Variants in DPF1 observed in about 807,000 individuals in gnomAD.
The protein encoded by DPF1 is double PHD fingers 1.
DPF1 carries 14 observed loss-of-function variants against 58.7 expected under a neutral mutation model. That is an observed-to-expected ratio of 0.24 (90% CI 0.16 to 0.37). The LOEUF (loss-of-function observed/expected upper bound fraction) is 0.37. Among genes scored for constraint, DPF1 ranks in the 10% least tolerant of loss-of-function variants. The probability of loss-of-function intolerance (pLI) is 1.00; values close to 1 mark genes in which losing one functional copy is unlikely to be tolerated. For synonymous variants in DPF1, 216 were observed against 216.0 expected (o/e 1.00, Z 0.00); for missense variants, 345 against 529.9 (o/e 0.65, Z 3.43).
chr19:38,217,956 C>G, intron 5 of DPF1, 80 bp from the exon 6 acceptor site: 1 of 1,473,910 alleles, frequency 6.8e-7, no homozygotes, highest in Non-Finnish European at 9.4e-7. Context: ...GTAATCCCAG[C>G]ACTTTGGGAG....
At chr19:38,223,104 A>C in intron 1 of DPF1, 1 of 198,976 alleles carries the variant, frequency 5.0e-6, no homozygotes, top group Non-Finnish European at 1.0e-5. Context: ...GCACACATAA[A>C]TATCTACTGA....
chr19:38,229,458 G>T lies in DPF1; in HGVS notation c.-132+101C>A, dbSNP rs568559347. 1.1e-5 allele frequency: 7 copies of T among 659,460 alleles called. 1 individual carries two copies. In the South Asian group the frequency reaches 2.7e-4, roughly 26 times the overall value. 40.9% of individuals were successfully genotyped at this position (659,460 alleles called of 1,614,324 possible). On this transcript the variant is annotated intron_variant, in intron 1 of 11. Transcript: ENST00000412732. The surrounding 1 kb of genome is among the most constrained non-coding windows in gnomAD (Gnocchi z 5.3). ...GCGCTGGGGGCCCCCATTCAACTAC[G>T]GTCCGCGCGCTGCGTCCCCCTCCTC...
chr19:38,220,832 C>T (rs1302805617), intron 3 of DPF1, among the ~76,000 whole-genome samples: 2 of 152,032 alleles, frequency 1.3e-5, no homozygotes, highest in African/African-American at 2.4e-5. Context: ...GGCACTGCCA[C>T]GCTCCTGGGT....
chr19:38,228,678 C>G (rs1294614576), upstream of DPF1: 1 of 152,238 alleles, frequency 6.6e-6, no homozygotes, highest in African/African-American at 2.4e-5. Context: ...TCCGGGATCC[C>G]GAAGAGGAAG....
At chr19:38,212,408 C>T in intron 10 of DPF1, 47 bp from the exon 11 acceptor site, 1 of 627,042 alleles carries the variant, frequency 1.6e-6, no homozygotes, top group Non-Finnish European at 2.5e-6. Flanking sequence ...GCACGGGCAC[C>T]AGAAACGGGG....
chr19:38,228,536 G>A (rs1967922972), upstream of DPF1: 1 of 150,926 alleles, frequency 6.6e-6, no homozygotes, highest in African/African-American at 2.4e-5. Context: ...TCCTCCACCA[G>A]GCCCGGGAGG....
chr19:38,228,212 G>A (rs181208914), upstream of DPF1, among the ~76,000 whole-genome samples: 756 of 151,760 alleles, frequency 5.0e-3, 8 homozygotes, highest in African/African-American at 0.017. Context: ...TGCTCACGGC[G>A]AAGCCACACG....
intron 7 of DPF1, 185 bp downstream of exon 7, chr19:38,217,267 CAGGAGCGA>C (rs1181516394): frequency 1.9e-5 from 13 of 694,770 alleles, no homozygotes; most frequent in Non-Finnish European, 2.6e-5. Flanking sequence ...TACGCCCGGC[CAGGAGCGA>C]AGGAGCGATG....
chr19:38,227,469 T>TC (rs1466310425), upstream of DPF1, among the ~76,000 whole-genome samples: 1 of 151,772 alleles, frequency 6.6e-6, no homozygotes, highest in African/African-American at 2.4e-5. Flanking sequence ...CACACACCAC[T>TC]CCCACATACT....
rs1359829968 is a variant in DPF1 at position 38,217,836 on chromosome 19, G to C, written c.557C>G (p.Ala186Gly). The C allele has an allele frequency of 6.2e-7, 1 of 1,614,048 alleles. No individual in the cohort carries two copies. The highest frequency in any genetic ancestry group is 8.5e-7 in the Non-Finnish European group (1 of 1,180,028). ...IGGLRKRQDT[A>G]SLEDRDKPYV... ...CGGCTTGTCTCGGTCCTCCAGGGAA[G>C]CGGTGTCCTGGCGTTTCCGGAGACC... Residue 186 changes from alanine (A) to glycine (G), a missense_variant, in exon 6 of 12, where the codon GCT becomes GGT. By Grantham distance (60) the Ala-to-Gly change is moderately conservative. Transcript: ENST00000355526.
Position 38,222,780 on chromosome 19 carries a change from C to CCGG in DPF1, c.30-75_30-73dup. The CCGG allele has an allele frequency of 7.0e-7, 1 of 1,434,078 alleles. No homozygotes were observed. The highest frequency in any genetic ancestry group is 9.1e-7 in the Non-Finnish European group (1 of 1,093,694). 88.8% of individuals were successfully genotyped at this position (1,434,078 alleles called of 1,614,324 possible). A position where few individuals can be genotyped will look rare whatever the true frequency, so the allele number is the denominator to read the frequency against. ...CACAGGGTCGCCCAGCACCCCTTCC[C>CCGG]CGGCTGCCGGGCCGCCCAGGCTCGG... On this transcript the variant is annotated intron_variant, in intron 1 of 11. Coordinates refer to ENST00000355526, the MANE Select transcript of DPF1 (RefSeq NM_001135155.3). The surrounding 1 kb of genome is among the most constrained non-coding windows in gnomAD (Gnocchi z 4.9).
chr19:38,216,980 G>A (rs1343326724), intron 7 of DPF1, among the ~76,000 whole-genome samples: 2 of 152,148 alleles, frequency 1.3e-5, no homozygotes, highest in Non-Finnish European at 2.9e-5. Context: ...AGTGGCCAGG[G>A]GTGAAGACAC....
chr19:38,213,686 G>T lies in DPF1; in HGVS notation c.969C>A (p.Ile323=), dbSNP rs147824649. Residue 323 remains isoleucine (I), a synonymous_variant, in exon 10 of 12, where the codon ATC becomes ATA. Coordinates refer to ENST00000355526, the MANE Select transcript of DPF1 (RefSeq NM_001135155.3). ...AAVRTYRWQC[I]ECKSCSLCGT... is the part of the protein sequence containing the mutation. The stretch of plus-strand genomic sequence containing the variant: ...CGCACAGGCTGCAGGATTTGCACTC[G>T]ATGCACTGCCAGCGGTAGGTCCGCA... The T allele has an allele frequency of 2.8e-5, 45 of 1,613,884 alleles. No individual in the cohort carries two copies. The African/African-American group carries it at 5.7e-4, about 21-fold the overall frequency.
chr19:38,211,962 TCC>T lies in DPF1; in HGVS notation c.*99_*100del, dbSNP rs996741842. 1.5e-6 allele frequency: 2 copies of T among 1,362,736 alleles called. No individual in the cohort carries two copies. Among genetic ancestry groups the T allele is most frequent in the African/African-American group, 2.9e-5 (2 of 69,584 alleles). 84.4% of individuals were successfully genotyped at this position (1,362,736 alleles called of 1,614,324 possible). ...CCAGCCCCCTCTCGGCTTCCCCCTCTCCCCCTCCCCCTGCGGGATGTTCAGGG... is the reference window on the plus strand; with the variant it reads ...CCAGCCCCCTCTCGGCTTCCCCCTCTCCCTCCCCCTGCGGGATGTTCAGGG... On this transcript the variant is annotated 3_prime_UTR_variant, in exon 12 of 12. Coordinates refer to ENST00000355526, the MANE Select transcript of DPF1 (RefSeq NM_001135155.3). This position sits in a 1 kb window ranked among gnomAD's most constrained non-coding sequence, Gnocchi z 4.0.
At chr19:38,221,453 T>C (rs1967466667) in intron 3 of DPF1, among the ~76,000 whole-genome samples, 1 of 151,552 alleles carries the variant, frequency 6.6e-6, no homozygotes. Flanking sequence ...GACAGGAGAA[T>C]CGCTTGAACC....
At chr19:38,213,872 T>G (rs1973652192) in intron 9 of DPF1, 116 bp from the exon 10 acceptor site, 1 of 830,558 alleles carries the variant, frequency 1.2e-6, no homozygotes, top group Non-Finnish European at 1.9e-6. Context: ...CAGGATGAGC[T>G]GCCGGGATCC....
chr19:38,216,556 G>T, intron 7 of DPF1, 153 bp from the exon 8 acceptor site: 1 of 835,984 alleles, frequency 1.2e-6, no homozygotes, highest in Non-Finnish European at 1.7e-6. Context: ...GGTGAAAACA[G>T]TTCTCATCGG....
upstream of DPF1, among the ~76,000 whole-genome samples, chr19:38,224,767 G>A (rs190703366): frequency 3.6e-3 from 550 of 152,310 alleles, 4 homozygotes; most frequent in African/African-American, 0.012. This position sits in a 1 kb window ranked among gnomAD's most constrained non-coding sequence, Gnocchi z 4.5. Context: ...CCTGACAGCA[G>A]CAGTGCAGGT....
Position 38,211,045 on chromosome 19 carries a change from CA to C in DPF1, c.*1017del, listed in dbSNP as rs1391659393. 1 of 152,504 alleles carries C rather than the reference CA, an allele frequency of 6.6e-6. No homozygotes were observed. The highest frequency in any genetic ancestry group is 2.4e-5 in the African/African-American group (1 of 41,472). The allele number at this position is 152,504 out of a possible 1,614,324, so 9.4% of individuals were successfully genotyped here. Reference sequence around the variant, plus strand: ...GTCAGGCCCAGTTTAATACACAGAACAAGTTAATTCACAGCAGAGGCAGGCA... The same window carrying C: ...GTCAGGCCCAGTTTAATACACAGAACAGTTAATTCACAGCAGAGGCAGGCA... On this transcript the variant is annotated 3_prime_UTR_variant, in exon 12 of 12. Coordinates refer to ENST00000355526, the MANE Select transcript of DPF1 (RefSeq NM_001135155.3). This position sits in a 1 kb window ranked among gnomAD's most constrained non-coding sequence, Gnocchi z 4.0.
Sources: allele counts gnomAD v4.1 joint callset (sites outside exome capture counted in the v4.1 genomes callset), GRCh38; gene constraint gnomAD v4.1.1; non-coding constraint Gnocchi (gnomAD v3.1); transcripts MANE v1.5; gene names NCBI Gene and HGNC (gene_info 2026-07-23, HGNC 2026-07-21).